CHRM3: variants seen among roughly 807,000 people sequenced by gnomAD.
CHRM3 encodes cholinergic receptor muscarinic 3.
CHRM3 carries 11 observed loss-of-function variants against 41.8 expected under a neutral mutation model. That is an observed-to-expected ratio of 0.26 (90% CI 0.17 to 0.44). CHRM3 has a LOEUF of 0.44. CHRM3 is among the 20% of genes least tolerant of loss of function. The pLI is 1.00. For synonymous variants in CHRM3, 297 were observed against 301.4 expected (o/e 0.99, Z 0.15); for missense variants, 571 against 745.4 (o/e 0.77, Z 2.72).
At chr1:239,665,999 G>T (rs1673760953) in intron 4 of CHRM3, among the ~76,000 whole-genome samples, 1 of 152,122 alleles carries the variant, frequency 6.6e-6, no homozygotes, top group South Asian at 2.1e-4. Flanking sequence ...TGTCTTTATA[G>T]TAGAATGATT....
chr1:239,898,195 T>C (rs1679173296), intron 6 of CHRM3: 1 of 152,188 alleles, frequency 6.6e-6, no homozygotes, highest in South Asian at 2.1e-4. Context: ...CAAAGCTTTG[T>C]TGACTCTGTT....
chr1:239,446,130 T>C (rs777817808), intron 1 of CHRM3, among the ~76,000 whole-genome samples: 6 of 152,058 alleles, frequency 3.9e-5, no homozygotes, highest in Non-Finnish European at 7.4e-5. Context: ...AGAGATGGGG[T>C]TTCACCATGT....
At chr1:239,651,454 G>A (rs779855624) in intron 4 of CHRM3, among the ~76,000 whole-genome samples, 6 of 152,204 alleles carry the variant, frequency 3.9e-5, no homozygotes, top group Non-Finnish European at 8.8e-5. Flanking sequence ...ATTTAAAGCT[G>A]GAGGCAATAA....
chr1:239,525,439 G>C (rs1023605011), intron 2 of CHRM3, among the ~76,000 whole-genome samples: 1 of 140,976 alleles, frequency 7.1e-6, no homozygotes, highest in African/African-American at 2.6e-5. Context: ...TAAATATTTT[G>C]GTTTTCTTTT....
rs1053069317 is a variant in CHRM3, at chr1:239,913,140, A to G, written c.*3916A>G. 1 of 167,188 alleles carries G rather than the reference A, an allele frequency of 6.0e-6. No individual in the cohort carries two copies. Among genetic ancestry groups the G allele is most frequent in the South Asian group, 2.1e-4 (1 of 4,826 alleles). 10.4% of individuals were successfully genotyped at this position (167,188 alleles called of 1,614,324 possible). On this transcript the variant is annotated 3_prime_UTR_variant, in exon 7 of 7. Transcript: ENST00000676153. ...TTACTTACTCTATTTCAACACCACA[A>G]AATCTTGAAATTTGGAAGGTAACCA...
At chr1:239,668,081 T>C (rs918871062) in intron 4 of CHRM3, among the ~76,000 whole-genome samples, 4 of 149,568 alleles carry the variant, frequency 2.7e-5, no homozygotes, top group African/African-American at 9.8e-5. Flanking sequence ...TTCTTTTTTT[T>C]CCCCTTTCTT....
At chr1:239,623,530 G>T (rs1668672654) in intron 3 of CHRM3, among the ~76,000 whole-genome samples, 2 of 121,686 alleles carry the variant, frequency 1.6e-5, no homozygotes, top group Admixed American at 8.6e-5. Context: ...TAAGTTTTAG[G>T]GTACATGTGC....
rs552445078 is a variant in CHRM3, at chr1:239,541,366, C to T, written c.-421-4275C>T. ...AGGTGCTCAAGAAATGAGGGAATGT[C>T]GTTACTGGGAGCTGCCTAAAGTTGA... is the stretch of plus-strand genomic sequence containing the variant. On this transcript the variant is annotated intron_variant, in intron 2 of 6. Transcript: ENST00000676153. Among the ~76,000 whole-genome samples, 31 of 152,152 alleles carry T rather than the reference C, an allele frequency of 2.0e-4. 1 individual carries two copies. The South Asian group carries it at 5.6e-3, about 27-fold the overall frequency.
intron 6 of CHRM3, among the ~76,000 whole-genome samples, chr1:239,887,828 C>T (rs952271241): frequency 2.0e-5 from 3 of 151,858 alleles, no homozygotes; most frequent in Non-Finnish European, 2.9e-5. Context: ...TTCAAGGGAC[C>T]CCCGAGGGAT....
intron 5 of CHRM3, chr1:239,714,181 C>A (rs1455706556): frequency 6.6e-6 from 1 of 152,156 alleles, no homozygotes; most frequent in Admixed American, 6.6e-5. Context: ...ACTCACAGAA[C>A]TAGCACAGCC....
At chr1:239,891,123 C>T (rs1678518870) in intron 6 of CHRM3, among the ~76,000 whole-genome samples, 1 of 152,054 alleles carries the variant, frequency 6.6e-6, no homozygotes, top group African/African-American at 2.4e-5. Flanking sequence ...CTTTCTTGTC[C>T]TCAGGAAGCC....
intron 6 of CHRM3, among the ~76,000 whole-genome samples, chr1:239,901,466 A>G (rs1332235833): frequency 1.3e-5 from 2 of 151,866 alleles, no homozygotes; most frequent in Non-Finnish European, 2.9e-5. Context: ...AAATCTTTCT[A>G]TCCTTCTATG....
intron 2 of CHRM3, among the ~76,000 whole-genome samples, chr1:239,501,593 T>G (rs970984074): frequency 2.0e-4 from 30 of 152,198 alleles, no homozygotes; most frequent in Admixed American, 7.9e-4. Context: ...TGGTGGCTCA[T>G]GCCTGTAATC....
chr1:239,494,813 C>T (rs542313607), intron 2 of CHRM3, among the ~76,000 whole-genome samples: 3 of 152,198 alleles, frequency 2.0e-5, no homozygotes, highest in African/African-American at 7.2e-5. Context: ...TTTTCTGTTC[C>T]TGCATTAGTT....
chr1:239,865,805 G>A (rs1251466937), intron 6 of CHRM3, among the ~76,000 whole-genome samples: 1 of 152,198 alleles, frequency 6.6e-6, no homozygotes, highest in Non-Finnish European at 1.5e-5. Flanking sequence ...TTACTTATGG[G>A]AAGAATAAAT....
intron 1 of CHRM3, among the ~76,000 whole-genome samples, chr1:239,457,684 C>T (rs1318586700): frequency 6.6e-6 from 1 of 152,138 alleles, no homozygotes; most frequent in Non-Finnish European, 1.5e-5. Flanking sequence ...AAGCAAGTTA[C>T]CTGTCTAGAC....
chr1:239,563,950 A>G (rs1661118508), intron 3 of CHRM3, among the ~76,000 whole-genome samples: 1 of 152,196 alleles, frequency 6.6e-6, no homozygotes, highest in Non-Finnish European at 1.5e-5. Flanking sequence ...AATGGTTCAA[A>G]AGCATGCTGC....
intron 3 of CHRM3, among the ~76,000 whole-genome samples, chr1:239,602,788 A>G (rs978817162): frequency 6.6e-5 from 10 of 152,170 alleles, no homozygotes; most frequent in Admixed American, 6.6e-4. Context: ...TTTTTTAATT[A>G]TGGTAAAAAC....
Position 239,913,748 on chromosome 1 carries a change from T to C in CHRM3, c.*4524T>C. The C allele has an allele frequency of 6.0e-6, 1 of 167,114 alleles. No individual in the cohort carries two copies. 10.4% of individuals were successfully genotyped at this position (167,114 alleles called of 1,614,324 possible). A position where few individuals can be genotyped will look rare whatever the true frequency, so the allele number is the denominator to read the frequency against. ...ATAAAATGACTATACCCCACGTAAGTTTGTAACTGCACAGTGTTTTGTTGT... is the reference window on the plus strand; with the variant it reads ...ATAAAATGACTATACCCCACGTAAGCTTGTAACTGCACAGTGTTTTGTTGT... On this transcript the variant is annotated 3_prime_UTR_variant, in exon 7 of 7. Transcript: ENST00000676153.
Sources: gnomAD v4.1 joint callset for allele counts (sites outside exome capture counted in the v4.1 genomes callset) on GRCh38, gnomAD v4.1.1 for gene constraint, MANE v1.5 for transcripts, NCBI Gene and HGNC (gene_info 2026-07-23, HGNC 2026-07-21) for gene names.